The following CCDC146 variants were observed in gnomAD, a reference collection of about 807,000 sequenced individuals.
CCDC146 encodes the protein coiled-coil domain containing 146.
A neutral mutation model predicts 119.3 loss-of-function variants in CCDC146; 92 were observed. That is an observed-to-expected ratio of 0.77 (90% CI 0.65 to 0.92). The LOEUF is 0.92. CCDC146 is among the 40% of genes least tolerant of loss of function. CCDC146 has a pLI of 0.00. For synonymous variants in CCDC146, 372 were observed against 371.8 expected (o/e 1.00, Z -0.01); for missense variants, 1,000 against 1,103.0 (o/e 0.91, Z 1.32).
intron 1 of CCDC146, among the ~76,000 whole-genome samples, chr7:77,126,956 C>T (rs979723657): frequency 1.3e-5 from 2 of 152,108 alleles, no homozygotes; most frequent in South Asian, 2.1e-4. Flanking sequence ...ATCTGTCTGC[C>T]TCCCGCTGCC....
intron 2 of CCDC146, among the ~76,000 whole-genome samples, chr7:77,176,818 G>A (rs74771153): frequency 0.15 from 23,403 of 151,930 alleles, 2,132 homozygotes; most frequent in East Asian, 0.27. Context: ...GCTGGTACCA[G>A]ATAAATAAAT....
chr7:77,146,034 T>C (rs574809687), intron 1 of CCDC146, among the ~76,000 whole-genome samples: 1 of 151,984 alleles, frequency 6.6e-6, no homozygotes, highest in African/African-American at 2.4e-5. Flanking sequence ...AGTCTCCCAT[T>C]ATCATTGTGG....
intron 4 of CCDC146, among the ~76,000 whole-genome samples, chr7:77,247,728 A>G (rs1423742431): frequency 6.6e-6 from 1 of 152,200 alleles, no homozygotes; most frequent in Admixed American, 6.5e-5. Context: ...GCAAATTAAA[A>G]CCACAATGAT....
At chr7:77,178,629 CCT>C (rs1193449107) in intron 2 of CCDC146, among the ~76,000 whole-genome samples, 2 of 152,080 alleles carry the variant, frequency 1.3e-5, no homozygotes, top group African/African-American at 4.8e-5. Context: ...GTTTTAATCA[CCT>C]CTTTATTTTT....
chr7:77,291,119 C>T (rs768612224), intron 17 of CCDC146, among the ~76,000 whole-genome samples: 3 of 152,136 alleles, frequency 2.0e-5, no homozygotes, highest in Non-Finnish European at 4.4e-5. Flanking sequence ...AGAGTACATT[C>T]TTATGGGATG....
chr7:77,162,026 T>A (rs1562819729), intron 1 of CCDC146, among the ~76,000 whole-genome samples: 1 of 152,134 alleles, frequency 6.6e-6, no homozygotes, highest in Non-Finnish European at 1.5e-5. Flanking sequence ...GTTGTATAAG[T>A]TCCTTGTATG....
chr7:77,262,402 G>A, intron 9 of CCDC146, 95 bp downstream of exon 9: 1 of 944,504 alleles, frequency 1.1e-6, no homozygotes, highest in Non-Finnish European at 1.5e-6. Context: ...CAGTAGAGAA[G>A]AAGAAAATAC....
intron 1 of CCDC146, among the ~76,000 whole-genome samples, chr7:77,130,759 C>G (rs1451203556): frequency 2.0e-5 from 3 of 149,146 alleles, no homozygotes; most frequent in Admixed American, 6.7e-5. Flanking sequence ...CCACCATGCC[C>G]GGCTAATTTT....
rs1794019528 is a variant in CCDC146, at chr7:77,295,081, G to A, written c.*215G>A. The A allele has an allele frequency of 2.0e-6, 1 of 507,112 alleles. No homozygotes were observed. The highest frequency in any genetic ancestry group is 3.5e-6 in the Non-Finnish European group (1 of 286,760). The allele number at this position is 507,112 out of a possible 1,614,324, so 31.4% of individuals were successfully genotyped here. On this transcript the variant is annotated 3_prime_UTR_variant, in exon 19 of 19. Transcript: ENST00000285871. ...GGACATAGAACTGTCCTACATTTATGTCAAAGTATATATTTGAATCGCTTA... is the reference window on the plus strand; with the variant it reads ...GGACATAGAACTGTCCTACATTTATATCAAAGTATATATTTGAATCGCTTA...
intron 3 of CCDC146, 125 bp downstream of exon 3, chr7:77,237,154 T>A (rs778227439): frequency 5.0e-5 from 37 of 737,346 alleles, no homozygotes; most frequent in Non-Finnish European, 8.0e-5. Flanking sequence ...GTTCAGGGAG[T>A]TTGAGAAGTG....
chr7:77,168,468 TTATA>T (rs1253849622), intron 2 of CCDC146, among the ~76,000 whole-genome samples: 26 of 151,908 alleles, frequency 1.7e-4, no homozygotes, highest in Non-Finnish European at 3.1e-4. Context: ...ATGATAAACT[TTATA>T]TAACTGAATA....
intron 1 of CCDC146, among the ~76,000 whole-genome samples, chr7:77,145,258 G>A (rs1790996848): frequency 1.3e-5 from 2 of 151,744 alleles, no homozygotes; most frequent in Admixed American, 1.3e-4. Context: ...GGGATCAGTG[G>A]TGATATCCCC....
chr7:77,200,099 T>C (rs1050632499), intron 2 of CCDC146, among the ~76,000 whole-genome samples: 1 of 152,218 alleles, frequency 6.6e-6, no homozygotes, highest in African/African-American at 2.4e-5. Flanking sequence ...CTAAAGTAAT[T>C]TGGTATACTT....
At chr7:77,208,491 A>C (rs1406025894) in intron 2 of CCDC146, among the ~76,000 whole-genome samples, 1 of 152,216 alleles carries the variant, frequency 6.6e-6, no homozygotes, top group Non-Finnish European at 1.5e-5. Context: ...AAAAAAAGGC[A>C]CAGTAAAAAT....
intron 2 of CCDC146, among the ~76,000 whole-genome samples, chr7:77,192,792 A>G (rs1017737930): frequency 5.3e-5 from 8 of 152,032 alleles, no homozygotes; most frequent in East Asian, 1.9e-4. Flanking sequence ...GCGAGGTGGC[A>G]GGCGTCTGTA....
intron 17 of CCDC146, among the ~76,000 whole-genome samples, chr7:77,291,050 A>T (rs75504181): frequency 0.058 from 8,819 of 152,280 alleles, 372 homozygotes; most frequent in South Asian, 0.19. Flanking sequence ...TATTCCAAGC[A>T]CTGTCCTGAG....
intron 17 of CCDC146, among the ~76,000 whole-genome samples, chr7:77,290,497 A>T (rs550263426): frequency 9.9e-4 from 151 of 152,362 alleles, no homozygotes; most frequent in Non-Finnish European, 1.6e-3. Flanking sequence ...ATTTAAAGAA[A>T]CATAAGACAT....
intron 1 of CCDC146, among the ~76,000 whole-genome samples, chr7:77,151,500 T>A (rs1319014706): frequency 6.6e-6 from 1 of 152,130 alleles, no homozygotes; most frequent in Non-Finnish European, 1.5e-5. Flanking sequence ...AAGAACTTTT[T>A]AAGAGTGAGG....
At chr7:77,242,003 A>G in intron 4 of CCDC146, 103 bp downstream of exon 4, 2 of 826,526 alleles carry the variant, frequency 2.4e-6, no homozygotes, top group East Asian at 2.6e-5. Flanking sequence ...AGATAGCAGT[A>G]CGATGATGAT....
Sources: allele counts gnomAD v4.1 joint callset (sites outside exome capture counted in the v4.1 genomes callset), GRCh38; gene constraint gnomAD v4.1.1; transcripts MANE v1.5; gene names NCBI Gene and HGNC (gene_info 2026-07-23, HGNC 2026-07-21).